The following SLC30A8 variants were observed in gnomAD, a reference collection of about 807,000 sequenced individuals.
SLC30A8 encodes proton-coupled zinc antiporter SLC30A8.
A neutral mutation model predicts 36.9 loss-of-function variants in SLC30A8; 27 were observed. The ratio of observed to expected loss-of-function variants is 0.73; its 90% confidence interval spans 0.54 to 1.01. The LOEUF (loss-of-function observed/expected upper bound fraction) is 1.01. SLC30A8 is among the 50% of genes least tolerant of loss of function. The pLI is 0.00. For synonymous variants in SLC30A8, 164 were observed against 172.4 expected, an observed-to-expected ratio of 0.95 and a Z score of 0.38; for missense variants, 439 against 452.0, an observed-to-expected ratio of 0.97 and a Z score of 0.26.
chr8:116,999,319 G>A (rs749628185), intron 1 of SLC30A8, among the ~76,000 whole-genome samples: 3 of 142,708 alleles, frequency 2.1e-5, no homozygotes, highest in African/African-American at 7.3e-5. Flanking sequence ...AGAAGACCTG[G>A]TCTGGACTTG....
At position 117,079,019 on chromosome 8, in the gene SLC30A8, CT is replaced by C. The variant is rs369586312; in HGVS notation, c.-226+39771del. On this transcript the variant is annotated intron_variant, in intron 2 of 10. Coordinates refer to the SLC30A8 transcript ENST00000427715. The stretch of plus-strand genomic sequence containing the variant: ...CTCTTTTTTCTTTTCTCTTTTTTGT[CT>C]TTTTTTTTTGAGACAGAGTCTTGCT... 6.0e-3 allele frequency among the ~76,000 whole-genome samples: 879 copies of C among 147,432 alleles called. 6 individuals carry two copies. Among genetic ancestry groups the C allele is most frequent in the African/African-American group, 0.02 (815 of 40,290 alleles).
chr8:117,060,189 A>G (rs530410880), intron 2 of SLC30A8, among the ~76,000 whole-genome samples: 1 of 152,208 alleles, frequency 6.6e-6, no homozygotes, highest in South Asian at 2.1e-4. Flanking sequence ...ATTTATTTTT[A>G]TTTATAGAGC....
intron 1 of SLC30A8, among the ~76,000 whole-genome samples, chr8:116,992,324 C>T (rs1054938336): frequency 3.9e-5 from 6 of 151,998 alleles, no homozygotes; most frequent in Non-Finnish European, 5.9e-5. Context: ...CTAAAGCTTC[C>T]GCCAAGAATA....
intron 2 of SLC30A8, among the ~76,000 whole-genome samples, chr8:117,150,466 G>A (rs946460888): frequency 6.6e-6 from 1 of 152,116 alleles, no homozygotes; most frequent in Non-Finnish European, 1.5e-5. Flanking sequence ...TTCCAGGTCT[G>A]AGTCTTTTCT....
chr8:116,966,504 TA>T (rs537456711), intron 1 of SLC30A8, among the ~76,000 whole-genome samples: 7 of 149,636 alleles, frequency 4.7e-5, no homozygotes, highest in East Asian at 3.9e-4. Flanking sequence ...TGTTTTGCCT[TA>T]AAAAAAAAAT....
At chr8:116,986,029 A>T (rs569048924) in intron 1 of SLC30A8, among the ~76,000 whole-genome samples, 5 of 152,218 alleles carry the variant, frequency 3.3e-5, no homozygotes, top group African/African-American at 1.2e-4. Context: ...TCATGCTAAT[A>T]AGGGAAGGAA....
At chr8:117,004,936 C>A in intron 1 of SLC30A8, among the ~76,000 whole-genome samples, 1 of 152,112 alleles carries the variant, frequency 6.6e-6, no homozygotes, top group South Asian at 2.1e-4. Flanking sequence ...GAGCCTCTCT[C>A]AATTCTCTTA....
intron 2 of SLC30A8, among the ~76,000 whole-genome samples, chr8:117,118,032 T>C (rs1314335306): frequency 2.0e-5 from 3 of 151,808 alleles, no homozygotes; most frequent in African/African-American, 7.2e-5. Flanking sequence ...CTTATGAACA[T>C]GAGCAAGAAT....
At chr8:117,119,912 G>A (rs1466900781) in intron 2 of SLC30A8, among the ~76,000 whole-genome samples, 1 of 151,714 alleles carries the variant, frequency 6.6e-6, no homozygotes, top group Non-Finnish European at 1.5e-5. Context: ...AACTACTTAG[G>A]AATAAACCAG....
intron 2 of SLC30A8, among the ~76,000 whole-genome samples, chr8:117,078,693 A>T (rs1381568573): frequency 3.3e-5 from 5 of 152,216 alleles, no homozygotes; most frequent in African/African-American, 1.2e-4. Context: ...AAAAGTTATG[A>T]ATTCTGTCTT....
At chr8:117,025,712 C>T (rs1016883261) in intron 1 of SLC30A8, among the ~76,000 whole-genome samples, 6 of 152,104 alleles carry the variant, frequency 3.9e-5, no homozygotes, top group African/African-American at 1.5e-4. Flanking sequence ...TCACAGGAAC[C>T]ACAGCTCTTG....
At chr8:117,050,301 G>A (rs9987375) in intron 2 of SLC30A8, among the ~76,000 whole-genome samples, 2,545 of 152,194 alleles carry the variant, frequency 0.017, 64 homozygotes, top group African/African-American at 0.058. Flanking sequence ...GTGGTGGCTC[G>A]CAGTCCTCTA....
intron 2 of SLC30A8, among the ~76,000 whole-genome samples, chr8:117,048,654 G>A (rs973394872): frequency 6.6e-6 from 1 of 152,034 alleles, no homozygotes; most frequent in South Asian, 2.1e-4. Flanking sequence ...TAGTAGGATG[G>A]CTCAATATAT....
intron 3 of SLC30A8, among the ~76,000 whole-genome samples, chr8:117,155,568 TGGG>T (rs1822438766): frequency 6.6e-6 from 1 of 152,212 alleles, no homozygotes. Flanking sequence ...TACAGTATTT[TGGG>T]GGGTACATTA....
At chr8:117,049,946 G>C (rs1817659731) in intron 2 of SLC30A8, among the ~76,000 whole-genome samples, 1 of 152,176 alleles carries the variant, frequency 6.6e-6, no homozygotes, top group African/African-American at 2.4e-5. Flanking sequence ...CTATTTTAAA[G>C]TGTTTAAAGT....
chr8:117,162,361 C>A (rs185549610), intron 5 of SLC30A8, among the ~76,000 whole-genome samples: 1 of 152,182 alleles, frequency 6.6e-6, no homozygotes, highest in Non-Finnish European at 1.5e-5. Context: ...GTATCTGCTG[C>A]TTGGCCGAAG....
rs201993372 is a variant in SLC30A8 at position 117,096,097 on chromosome 8, A to G, written c.-225-39183A>G. ...CTTGTGGCCGTAGTTCTGGCCAGGA[A>G]TTCTAGAAAGGAGAAAGACTGTCTT... On this transcript the variant is annotated intron_variant, in intron 2 of 10. Transcript: ENST00000427715. Among the ~76,000 whole-genome samples, 591 of 152,222 alleles carry G rather than the reference A, an allele frequency of 3.9e-3. 1 individual carries two copies. The highest frequency in any genetic ancestry group is 7.4e-3 in the Non-Finnish European group (501 of 68,006).
At chr8:117,054,096 A>ATTTTTTT (rs1586448380) in intron 2 of SLC30A8, among the ~76,000 whole-genome samples, 13 of 119,184 alleles carry the variant, frequency 1.1e-4, no homozygotes, top group Admixed American at 2.4e-4. Flanking sequence ...TACTGCAAAA[A>ATTTTTTT]TCTTTTTTTT....
chr8:116,955,661 CA>C, intron 1 of SLC30A8, among the ~76,000 whole-genome samples: 1 of 149,822 alleles, frequency 6.7e-6, no homozygotes, highest in East Asian at 2.0e-4. Context: ...ACCTAGGAGG[CA>C]AAAGTTGCTG....
Sources: gnomAD v4.1 joint callset for allele counts (sites outside exome capture counted in the v4.1 genomes callset) on GRCh38, gnomAD v4.1.1 for gene constraint, MANE v1.5 for transcripts, NCBI Gene and HGNC (gene_info 2026-07-23, HGNC 2026-07-21) for gene names.